ZIC3: variants seen among roughly 807,000 people sequenced by gnomAD.
ZIC3 encodes the protein Zic family zinc finger 3.
ZIC3 carries 6 observed loss-of-function variants against 18.3 expected under a neutral mutation model. That is an observed-to-expected ratio of 0.33 (90% CI 0.18 to 0.65). The LOEUF is 0.65. Among genes scored for constraint, ZIC3 ranks in the 30% least tolerant of loss-of-function variants. The pLI, the probability that ZIC3 is intolerant of heterozygous loss-of-function variation, is 0.75. For synonymous variants in ZIC3, 175 were observed against 177.0 expected, an observed-to-expected ratio of 0.99 and a Z score of 0.09; for missense variants, 260 against 410.0, an observed-to-expected ratio of 0.63 and a Z score of 3.16.
chrX:137,576,867 A>G (rs1931519843), downstream of ZIC3, among the ~76,000 whole-genome samples: 1 of 112,206 alleles, frequency 8.9e-6, no homozygotes, highest in South Asian at 3.7e-4. Flanking sequence ...CTATAATAAT[A>G]GCTTTCACCA....
downstream of ZIC3, among the ~76,000 whole-genome samples, chrX:137,576,545 A>G (rs778116683): frequency 7.1e-5 from 8 of 112,307 alleles, no homozygotes; most frequent in Non-Finnish European, 1.5e-4. Context: ...ACGACTCCAA[A>G]GGGTACTGCT....
Position 137,567,341 on chromosome X carries a change from C to T in ZIC3, c.650C>T (p.Pro217Leu). 2 of 1,211,629 alleles carry T rather than the reference C, an allele frequency of 1.7e-6. No homozygotes were observed. Among genetic ancestry groups the T allele is most frequent in the Admixed American group, 2.2e-5 (1 of 46,133 alleles). The change falls in exon 1 of 3, where the codon CCT (proline) becomes CTT (leucine). Residue 217 changes from proline (P) to leucine (L), a missense_variant. Physicochemically the swap from Pro to Leu is moderately conservative, Grantham distance 98 (BLOSUM62 -3). Around this residue, in one of 4 missense-constraint regions of ZIC3, gnomAD observed 183 missense variants for 223.8 expected, o/e 0.82. Coordinates refer to ENST00000287538, the MANE Select transcript of ZIC3 (RefSeq NM_003413.4). ...TDPYAAGAQF[P>L]NYSPMNMNMG... is the part of the protein sequence containing the mutation. ...CCCTACGCGGCCGGCGCTCAGTTTC[C>T]TAACTACAGCCCCATGAACATGAAC...
intron 2 of ZIC3, 48 bp downstream of exon 2, chrX:137,569,113 G>C (rs370935771): frequency 2.0e-5 from 24 of 1,201,105 alleles, no homozygotes; most frequent in Non-Finnish European, 2.3e-5. Context: ...CACTCGGCCC[G>C]ACGCCGGGCC....
chrX:137,567,201 T>A lies in ZIC3; in HGVS notation c.510T>A (p.Ala170=). 8.3e-7 allele frequency: 1 copy of A among 1,209,517 alleles called. No individual in the cohort carries two copies. Among genetic ancestry groups the A allele is most frequent in the Non-Finnish European group, 1.1e-6 (1 of 894,390 alleles). Residue 170 remains alanine (A), a synonymous_variant, in exon 1 of 3, where the codon GCT becomes GCA. Coordinates refer to ENST00000287538, the MANE Select transcript of ZIC3 (RefSeq NM_003413.4). ...TTCCCGGGCTGCATGAGCAGGGCGC[T>A]GGGCACCCGTCGCCCACAGGGCACG... is the stretch of plus-strand genomic sequence containing the variant. ...LLFPGLHEQG[A]GHPSPTGHVD...
intron 2 of ZIC3, among the ~76,000 whole-genome samples, 160 bp downstream of exon 2, chrX:137,569,225 G>A (rs1412618868): frequency 8.4e-5 from 9 of 106,759 alleles, no homozygotes; most frequent in African/African-American, 2.7e-4. Flanking sequence ...CCGGGCGGGG[G>A]TGGGGGTGAG....
At chrX:137,568,350 C>T (rs1423919553) in intron 1 of ZIC3, among the ~76,000 whole-genome samples, 1 of 108,854 alleles carries the variant, frequency 9.2e-6, no homozygotes, top group Non-Finnish European at 1.9e-5. Context: ...ATCTATCTAT[C>T]TATCTATCTA....
chrX:137,574,486 G>C (rs1931486128), downstream of ZIC3, among the ~76,000 whole-genome samples: 2 of 113,424 alleles, frequency 1.8e-5, no homozygotes, highest in Non-Finnish European at 3.8e-5. Context: ...GCTCCGGCCG[G>C]GGCCCCAACC....
chrX:137,570,852 G>T lies in ZIC3; in HGVS notation c.*782G>T, dbSNP rs1225871945. On this transcript the variant is annotated 3_prime_UTR_variant, in exon 3 of 3. Coordinates refer to ENST00000287538, the MANE Select transcript of ZIC3 (RefSeq NM_003413.4). Reference sequence around the variant, plus strand: ...CACAATTTACAATTTTGGAACCACTGACTCCTTTCTCTTGTTTTGTAACAG... The same window carrying T: ...CACAATTTACAATTTTGGAACCACTTACTCCTTTCTCTTGTTTTGTAACAG... The T allele has an allele frequency of 2.7e-5, 3 of 112,879 alleles. No homozygotes were observed. The highest frequency in any genetic ancestry group is 4.6e-3 in the Middle Eastern group (1 of 216). 9.3% of individuals were successfully genotyped at this position (112,879 alleles called of 1,213,427 possible). A position where few individuals can be genotyped will look rare whatever the true frequency, so the allele number is the denominator to read the frequency against.
Position 137,566,360 on chromosome X carries a change from C to T in ZIC3, c.-332C>T. 1 of 332,011 alleles carries T rather than the reference C, an allele frequency of 3.0e-6. No individual in the cohort carries two copies. The highest frequency in any genetic ancestry group is 5.3e-6 in the Non-Finnish European group (1 of 188,991). 27.4% of individuals were successfully genotyped at this position (332,011 alleles called of 1,213,427 possible). A position where few individuals can be genotyped will look rare whatever the true frequency, so the allele number is the denominator to read the frequency against. On this transcript the variant is annotated 5_prime_UTR_variant, in exon 1 of 3. Transcript: ENST00000287538. ...CCGGGACAGGATTGGCAAACTCCGCCCTCCACTTACTATTTTGCTTATTTT... is the reference window on the plus strand; with the variant it reads ...CCGGGACAGGATTGGCAAACTCCGCTCTCCACTTACTATTTTGCTTATTTT...
At chrX:137,569,265 G>C (rs1224497013) in intron 2 of ZIC3, among the ~76,000 whole-genome samples, 200 bp downstream of exon 2, 1 of 110,367 alleles carries the variant, frequency 9.1e-6, no homozygotes, top group Non-Finnish European at 1.9e-5. Context: ...AAAGTTGGGA[G>C]GGGGAGGAAG....
At position 137,569,986 on chromosome X, in the gene ZIC3, T is replaced by C. The variant is rs1391114621; in HGVS notation, c.1320T>C (p.Asp440=). The C allele has an allele frequency of 5.8e-6, 7 of 1,210,403 alleles. No homozygotes were observed. In the African/African-American group the frequency reaches 1.2e-4, roughly 21 times the overall value. ...PPAIASANSK[D]TTKTPSAVQT... is the part of the protein sequence containing the mutation. Reference sequence around the variant, plus strand: ...CTATAGCTTCTGCAAACAGTAAAGATACCACTAAAACCCCTTCTGCAGTTC... The same window carrying C: ...CTATAGCTTCTGCAAACAGTAAAGACACCACTAAAACCCCTTCTGCAGTTC... Residue 440 remains aspartate (D), a synonymous_variant, in exon 3 of 3, where the codon GAT becomes GAC. Transcript: ENST00000287538.
At chrX:137,568,386 A>C (rs867120086) in intron 1 of ZIC3, among the ~76,000 whole-genome samples, 1 of 97,027 alleles carries the variant, frequency 1.0e-5, no homozygotes, top group African/African-American at 3.9e-5. Context: ...ATCTATCTAT[A>C]TTTTTTTCCT....
downstream of ZIC3, among the ~76,000 whole-genome samples, chrX:137,576,910 GGT>G (rs1931520407): frequency 8.9e-6 from 1 of 111,800 alleles, no homozygotes; most frequent in Non-Finnish European, 1.9e-5. Context: ...TCTCTAATAG[GGT>G]GTGTGTCTTG....
At position 137,577,259 on chromosome X, in the gene ZIC3, AATGATTTACTG is replaced by A. The variant is rs1931524756; in HGVS notation, c.1367_*3del. 1.9e-6 allele frequency: 1 copy of A among 517,523 alleles called. No individual in the cohort carries two copies. The highest frequency in any genetic ancestry group is 2.3e-5 in the African/African-American group (1 of 43,039). 42.6% of individuals were successfully genotyped at this position (517,523 alleles called of 1,213,427 possible). ...TTAATGCCGAACCTACTGTGCAAGA[AATGATTTACTG>A]ATGAGGTTTCAAAGAAAACCACATC... is the stretch of plus-strand genomic sequence containing the variant. On this transcript the variant is annotated frameshift_variant and stop_lost, in exon 3 of 3. Coordinates refer to the ZIC3 transcript ENST00000370606. LOFTEE classifies it high-confidence loss of function.
At chrX:137,577,000 T>C, downstream of ZIC3, 2 of 418,538 alleles carry the variant, frequency 4.8e-6, no homozygotes, top group Non-Finnish European at 8.5e-6. Context: ...CATTCCATCG[T>C]GTTTTATTAT....
chrX:137,577,163 C>T (rs776232297), exon 3 of ZIC3: 1 of 524,200 alleles, frequency 1.9e-6, no homozygotes, highest in African/African-American at 2.3e-5. Context: ...TAATTCCTGA[C>T]GAAGAACTTG....
In ZIC3 at chrX:137,569,938, C is replaced by T. The variant is rs1696221489; in HGVS notation, c.1272C>T (p.Gly424=). The change falls in exon 3 of 3, where the codon GGC becomes GGT. Residue 424 remains glycine (G), a synonymous_variant. Coordinates refer to ENST00000287538, the MANE Select transcript of ZIC3 (RefSeq NM_003413.4). ...ATTCCTCCCCTGCTGCCAGTTCAGGCTATGAATCTTCCACTCCACCCGCTA... is the reference window on the plus strand; with the variant it reads ...ATTCCTCCCCTGCTGCCAGTTCAGGTTATGAATCTTCCACTCCACCCGCTA... ...GSDSSPAASS[G]YESSTPPAIA... The T allele has an allele frequency of 8.3e-7, 1 of 1,209,483 alleles. No homozygotes were observed. The highest frequency in any genetic ancestry group is 1.1e-6 in the Non-Finnish European group (1 of 895,118).
intron 2 of ZIC3, 73 bp downstream of exon 2, chrX:137,569,138 C>T (rs1453038687): frequency 8.7e-7 from 1 of 1,148,689 alleles, no homozygotes; most frequent in Non-Finnish European, 1.2e-6. Flanking sequence ...AACGGAAGCG[C>T]CCGCGCTGCC....
chrX:137,569,113 G>A (rs370935771), intron 2 of ZIC3, 48 bp downstream of exon 2: 29 of 1,198,088 alleles, frequency 2.4e-5, no homozygotes, highest in Admixed American at 1.3e-4. Flanking sequence ...CACTCGGCCC[G>A]ACGCCGGGCC....
Sources: gnomAD v4.1 joint callset for allele counts (sites outside exome capture counted in the v4.1 genomes callset) on GRCh38, gnomAD v4.1.1 for gene constraint, gnomAD v4.1.1 regional missense constraint, MANE v1.5 for transcripts, NCBI Gene and HGNC (gene_info 2026-07-23, HGNC 2026-07-21) for gene names.